The following MBP variants were observed in gnomAD, a reference collection of about 807,000 sequenced individuals.
MBP encodes myelin basic protein.
A neutral mutation model predicts 35.8 loss-of-function variants in MBP; 16 were observed. The ratio of observed to expected loss-of-function variants is 0.45; its 90% confidence interval spans 0.30 to 0.68. The LOEUF (loss-of-function observed/expected upper bound fraction) is 0.68, where lower values mean the gene tolerates loss of function less well. Ranked by LOEUF, MBP falls within the 30% of genes least tolerant of loss-of-function variation. MBP has a pLI of 0.08. For synonymous variants in MBP, 143 were observed against 159.6 expected, an observed-to-expected ratio of 0.90 and a Z score of 0.78; for missense variants, 380 against 404.7, an observed-to-expected ratio of 0.94 and a Z score of 0.52.
intron 3 of MBP, among the ~76,000 whole-genome samples, chr18:77,065,615 C>T (rs1034800152): frequency 2.6e-5 from 4 of 152,160 alleles, no homozygotes; most frequent in African/African-American, 4.8e-5. Flanking sequence ...AGATAAACAC[C>T]GTGGTATCCA....
chr18:77,005,091 T>G (rs996409846), intron 4 of MBP: 4 of 152,230 alleles, frequency 2.6e-5, no homozygotes, highest in African/African-American at 9.6e-5. Flanking sequence ...CTTCTGCCAT[T>G]AAGTAAACCC....
At chr18:76,997,335 G>A (rs935193299) in intron 4 of MBP, among the ~76,000 whole-genome samples, 3 of 152,210 alleles carry the variant, frequency 2.0e-5, no homozygotes, top group African/African-American at 4.8e-5. Flanking sequence ...GCTCCAGCCC[G>A]GGCCTGACGC....
At chr18:77,108,035 G>C (rs539026787) in intron 1 of MBP, among the ~76,000 whole-genome samples, 5 of 152,190 alleles carry the variant, frequency 3.3e-5, no homozygotes, top group Non-Finnish European at 7.3e-5. Flanking sequence ...CCTGAGCACC[G>C]GTAAGTGAGA....
At chr18:77,109,812 C>A (rs1232241222) in intron 1 of MBP, 3 of 152,224 alleles carry the variant, frequency 2.0e-5, no homozygotes, top group Non-Finnish European at 4.4e-5. Flanking sequence ...GGCTTATTAG[C>A]AAAACATTTG....
intron 3 of MBP, among the ~76,000 whole-genome samples, chr18:77,024,081 A>G (rs1972102087): frequency 6.6e-6 from 1 of 152,236 alleles, no homozygotes; most frequent in Non-Finnish European, 1.5e-5. Context: ...TTGGCATGAT[A>G]GCTGTTAAGC....
chr18:77,019,466 A>C (rs1971898035), intron 3 of MBP, among the ~76,000 whole-genome samples: 1 of 129,986 alleles, frequency 7.7e-6, no homozygotes, highest in Non-Finnish European at 1.7e-5. Context: ...AAACCTCAGA[A>C]CACCAAGCAC....
chr18:77,103,800 T>C (rs1382499290), intron 2 of MBP, among the ~76,000 whole-genome samples: 2 of 152,314 alleles, frequency 1.3e-5, no homozygotes, highest in Admixed American at 6.5e-5. Flanking sequence ...TCATCTGTCC[T>C]GAGCGTCTCA....
intron 3 of MBP, among the ~76,000 whole-genome samples, chr18:77,053,052 C>T (rs970522032): frequency 3.3e-5 from 5 of 152,234 alleles, no homozygotes; most frequent in African/African-American, 9.6e-5. Flanking sequence ...AAATAGAAGG[C>T]CCCAAAAGAA....
intron 4 of MBP, among the ~76,000 whole-genome samples, chr18:77,000,903 C>A (rs62105703): frequency 6.6e-6 from 1 of 152,138 alleles, no homozygotes; most frequent in Non-Finnish European, 1.5e-5. Flanking sequence ...AAAGGAGATA[C>A]GTTGATGGAG....
Position 76,980,327 on chromosome 18 carries a change from G to A in MBP, c.*100C>T. Reference sequence around the variant, plus strand: ...ACAACTCCGCAGGCATTAGGGGAGGGGTCATCTGCTCTAATTAGGTAACAG... The same window carrying A: ...ACAACTCCGCAGGCATTAGGGGAGGAGTCATCTGCTCTAATTAGGTAACAG... On this transcript the variant is annotated 3_prime_UTR_variant, in exon 9 of 9. Coordinates refer to ENST00000355994, the MANE Select transcript of MBP (RefSeq NM_001025101.2). 1 of 1,083,378 alleles carries A rather than the reference G, an allele frequency of 9.2e-7. No individual in the cohort carries two copies. The highest frequency in any genetic ancestry group is 1.7e-5 in the Admixed American group (1 of 59,358). 67.1% of individuals were successfully genotyped at this position (1,083,378 alleles called of 1,614,324 possible). A position where few individuals can be genotyped will look rare whatever the true frequency, so the allele number is the denominator to read the frequency against.
At chr18:77,003,922 G>A (rs908661282) in intron 4 of MBP, 5 of 152,102 alleles carry the variant, frequency 3.3e-5, no homozygotes, top group African/African-American at 9.7e-5. Flanking sequence ...AAACCGGTGG[G>A]AGTGGGAAAC....
At chr18:77,082,042 C>T (rs71360991) in intron 2 of MBP, among the ~76,000 whole-genome samples, 13,058 of 148,284 alleles carry the variant, frequency 0.088, 766 homozygotes, top group South Asian at 0.12. Context: ...TTAGTAGAGA[C>T]GGGGTTTCAC....
At chr18:77,009,953 G>A (rs80250990) in intron 4 of MBP, 29 of 1,512,782 alleles carry the variant, frequency 1.9e-5, no homozygotes, top group East Asian at 2.4e-5. Context: ...AGTGGGCTGC[G>A]TGAGTCCGGG....
At chr18:77,129,323 C>G (rs1282413051) in intron 1 of MBP, among the ~76,000 whole-genome samples, 1 of 152,222 alleles carries the variant, frequency 6.6e-6, no homozygotes, top group Non-Finnish European at 1.5e-5. Flanking sequence ...TTACTAATAG[C>G]TTTGGAACAT....
intron 2 of MBP, among the ~76,000 whole-genome samples, chr18:77,083,252 C>T (rs1050719135): frequency 6.6e-6 from 1 of 152,166 alleles, no homozygotes; most frequent in African/African-American, 2.4e-5. Context: ...CAGACGTGAG[C>T]CATCATGCCC....
chr18:77,086,218 C>T (rs886107353), intron 2 of MBP, among the ~76,000 whole-genome samples: 1 of 152,230 alleles, frequency 6.6e-6, no homozygotes, highest in Non-Finnish European at 1.5e-5. Context: ...GTCCTAAGAG[C>T]TGGAGGAACC....
chr18:77,038,161 C>T (rs970484362), intron 3 of MBP, among the ~76,000 whole-genome samples: 1 of 152,196 alleles, frequency 6.6e-6, no homozygotes, highest in Non-Finnish European at 1.5e-5. Flanking sequence ...CATCCACATG[C>T]GAGCCGCATA....
At chr18:77,036,937 AGTG>A (rs1294761774) in intron 3 of MBP, among the ~76,000 whole-genome samples, 2 of 67,460 alleles carry the variant, frequency 3.0e-5, no homozygotes, top group African/African-American at 1.4e-4. Flanking sequence ...GAGCTGAGCA[AGTG>A]CTGGTCACAT....
rs761965498 is a variant in MBP at position 76,980,454 on chromosome 18, G to A, written c.888C>T (p.Arg296=). The change falls in exon 9 of 9, where the codon CGC becomes CGT. Residue 296 remains arginine (R), a synonymous_variant. Transcript: ENST00000355994. Reference sequence around the variant, plus strand: ...AGCGTCTAGCCATGGGTGATCCAGAGCGACTATCTCTTCCTCCCTGAAAAG... The same window carrying A: ...AGCGTCTAGCCATGGGTGATCCAGAACGACTATCTCTTCCTCCCTGAAAAG... The part of the protein sequence containing the change: ...KIFKLGGRDS[R]SGSPMARR 15 of 1,613,838 alleles carry A rather than the reference G, an allele frequency of 9.3e-6. 1 individual carries two copies. The South Asian group carries it at 9.9e-5, about 11-fold the overall frequency.
Sources: gnomAD v4.1 joint callset for allele counts (sites outside exome capture counted in the v4.1 genomes callset) on GRCh38, gnomAD v4.1.1 for gene constraint, MANE v1.5 for transcripts, NCBI Gene and HGNC (gene_info 2026-07-23, HGNC 2026-07-21) for gene names.